Variants in DOK7 observed in about 807,000 individuals in gnomAD.
DOK7 encodes docking protein 7, also known as protein Dok-7.
Under a neutral mutation model 30.7 loss-of-function variants are expected in DOK7, and 32 were observed. The ratio of observed to expected loss-of-function variants is 1.04; its 90% CI spans 0.79 to 1.40. The LOEUF is 1.40. DOK7 is among the 40% of genes most tolerant of loss of function. DOK7 has a pLI of 0.00. For missense variants in DOK7, 1,007 were observed against 699.2 expected, an observed-to-expected ratio of 1.44 and a Z score of -4.97; for synonymous variants, 447 against 324.1, an observed-to-expected ratio of 1.38 and a Z score of -4.07.
intron 3 of DOK7, among the ~76,000 whole-genome samples, chr4:3,474,136 G>A (rs1417071812): frequency 6.6e-6 from 1 of 152,174 alleles, no homozygotes; most frequent in Non-Finnish European, 1.5e-5. Flanking sequence ...GCCCTGCAGG[G>A]GCTTCGAATG....
At position 3,500,208 on chromosome 4, in the gene DOK7, C is replaced by T. The variant is rs1333209627; in HGVS notation, c.1109-43C>T. The T allele has an allele frequency of 9.2e-6, 14 of 1,529,414 alleles. 1 individual carries two copies. The highest frequency in any genetic ancestry group is 1.2e-5 in the Non-Finnish European group (14 of 1,142,704). The allele number at this position is 1,529,414 out of a possible 1,614,324, so 94.7% of individuals were successfully genotyped here. A position where few individuals can be genotyped will look rare whatever the true frequency, so the allele number is the denominator to read the frequency against. On this transcript the variant is annotated intron_variant, in intron 6 of 7. Coordinates refer to the DOK7 transcript ENST00000643608. ...CTGCACAATCTTTGAGATCTGTGCC[C>T]CTCTCGGTCCCCACCGGGGCTTCAC... is the stretch of plus-strand genomic sequence containing the variant.
chr4:3,494,952 G>T (rs995505524), downstream of DOK7, among the ~76,000 whole-genome samples: 1 of 152,094 alleles, frequency 6.6e-6, no homozygotes, highest in African/African-American at 2.4e-5. Context: ...GTGGGTGCCT[G>T]CCTGTCCCTT....
intron 6 of DOK7, among the ~76,000 whole-genome samples, chr4:3,492,428 G>A (rs545617676): frequency 1.3e-5 from 2 of 151,810 alleles, no homozygotes; most frequent in African/African-American, 4.8e-5. Flanking sequence ...GGTATGGAGC[G>A]TGGGGTGTTA....
rs931683866 is a variant in DOK7 at position 3,473,576 on chromosome 4, T to C, written c.271T>C (p.Phe91Leu). 2.4e-5 allele frequency: 38 copies of C among 1,609,412 alleles called. No homozygotes were observed. The highest frequency in any genetic ancestry group is 3.2e-5 in the Non-Finnish European group (38 of 1,178,442). The change falls in exon 3 of 7, where the codon TTT becomes CTT. Residue 91 changes from phenylalanine (F) to leucine (L), a missense_variant. Coordinates refer to ENST00000340083, the MANE Select transcript of DOK7 (RefSeq NM_173660.5). Reference sequence around the variant, plus strand: ...CCTGTCCCAGGCCATCATGCTGGGCTTTGACAGCCACGAGGCCATGTGTGC... The same window carrying C: ...CCTGTCCCAGGCCATCATGCTGGGCCTTGACAGCCACGAGGCCATGTGTGC... ...VCLSQAIMLGFDSHEAMCAWD... is the reference protein window; with the variant it reads ...VCLSQAIMLGLDSHEAMCAWD...
rs923562365 is a variant in DOK7, at chr4:3,493,646, G to A, written c.*145G>A. 38 of 1,462,002 alleles carry A rather than the reference G, an allele frequency of 2.6e-5. No individual in the cohort carries two copies. Among genetic ancestry groups the A allele is most frequent in the African/African-American group, 1.1e-4 (8 of 70,004 alleles). 90.6% of individuals were successfully genotyped at this position (1,462,002 alleles called of 1,614,324 possible). A position where few individuals can be genotyped will look rare whatever the true frequency, so the allele number is the denominator to read the frequency against. On this transcript the variant is annotated 3_prime_UTR_variant, in exon 7 of 7. Transcript: ENST00000340083. ...CTCCCGGAGAGGGGAGCTGGAGGGC[G>A]CGCCCTGTGGCTGCCACCGGAGGAA...
At chr4:3,466,193 C>T (rs936169571) in intron 2 of DOK7, among the ~76,000 whole-genome samples, 4 of 152,214 alleles carry the variant, frequency 2.6e-5, no homozygotes, top group African/African-American at 9.6e-5. Context: ...TCCCCCCAGC[C>T]AGCCCAAACC....
chr4:3,490,178 CG>C lies in DOK7; in HGVS notation c.772+383del, dbSNP rs1560225971. Among the ~76,000 whole-genome samples the C allele has an allele frequency of 1.4e-3, 114 of 83,508 alleles. 1 individual carries two copies. Among genetic ancestry groups the C allele is most frequent in the African/African-American group, 5.4e-3 (99 of 18,274 alleles). 54.8% of individuals were successfully genotyped at this position (83,508 alleles called of 152,430 possible). ...CACCCTGCTCATTCATTTCTTCCTC[CG>C]CCCCCCCCACTCATTCCTTCCCCCC... is the stretch of plus-strand genomic sequence containing the variant. On this transcript the variant is annotated intron_variant, in intron 6 of 6. Coordinates refer to ENST00000340083, the MANE Select transcript of DOK7 (RefSeq NM_173660.5).
chr4:3,490,378 C>A (rs1469161612), intron 6 of DOK7, among the ~76,000 whole-genome samples: 2 of 41,964 alleles, frequency 4.8e-5, no homozygotes, highest in Admixed American at 2.4e-4. Context: ...TTCCTTCCCC[C>A]CACCCCCTGC....
intron 2 of DOK7, 83 bp downstream of exon 2, chr4:3,463,634 C>A: frequency 6.7e-7 from 1 of 1,481,666 alleles, no homozygotes; most frequent in Non-Finnish European, 9.1e-7. Flanking sequence ...CCAGCTTGCC[C>A]AAAATCGCCG....
chr4:3,477,365 C>T (rs772189742), intron 4 of DOK7, among the ~76,000 whole-genome samples: 2 of 152,238 alleles, frequency 1.3e-5, no homozygotes, highest in Non-Finnish European at 2.9e-5. Context: ...TGAGGGACTG[C>T]ACTTGGCTCA....
chr4:3,493,255 G>C lies in DOK7; in HGVS notation c.1269G>C (p.Gln423His). ...LAPRDHSPPS[Q>H]GSPGNSAARD... ...CTAGAGACCACAGCCCCCCCTCACA[G>C]GGCAGCCCCGGCAACAGTGCGGCCA... The change falls in exon 7 of 7, where the codon CAG (glutamine) becomes CAC (histidine). Residue 423 changes from glutamine to histidine, a missense_variant. Physicochemically the swap from Gln to His is conservative, Grantham distance 24. Coordinates refer to ENST00000340083, the MANE Select transcript of DOK7 (RefSeq NM_173660.5). 6.2e-7 allele frequency: 1 copy of C among 1,611,782 alleles called. No homozygotes were observed. The highest frequency in any genetic ancestry group is 8.5e-7 in the Non-Finnish European group (1 of 1,179,588).
intron 4 of DOK7, among the ~76,000 whole-genome samples, chr4:3,485,075 T>TG (rs1194088786): frequency 1.3e-5 from 2 of 152,170 alleles, no homozygotes; most frequent in African/African-American, 4.8e-5. Flanking sequence ...GCTGGGACCT[T>TG]GGGGCAGAGG....
rs148334299 is a variant in DOK7, at chr4:3,489,310, C to T, written c.653-367C>T. On this transcript the variant is annotated intron_variant, in intron 5 of 6. Transcript: ENST00000340083. ...GAGGGGCAGGCAGCCCCTCTTGCAG[C>T]GAGGCCGGCCCTGGGGATGGGGGAG... 5.4e-3 allele frequency among the ~76,000 whole-genome samples: 826 copies of T among 152,086 alleles called. 13 individuals are homozygous for T. The highest frequency in any genetic ancestry group is 0.019 in the African/African-American group (790 of 41,476).
At chr4:3,486,055 CT>C (rs1423367326) in intron 5 of DOK7, among the ~76,000 whole-genome samples, 1 of 152,228 alleles carries the variant, frequency 6.6e-6, no homozygotes, top group African/African-American at 2.4e-5. Flanking sequence ...GGCAGCTGGT[CT>C]GACTCTGCAG....
At chr4:3,486,143 T>G (rs1727774171) in intron 5 of DOK7, among the ~76,000 whole-genome samples, 1 of 152,110 alleles carries the variant, frequency 6.6e-6, no homozygotes, top group Non-Finnish European at 1.5e-5. Context: ...GGCTGTGGGG[T>G]CTCAGGACAC....
In DOK7 at chr4:3,494,125, G is replaced by A; in HGVS notation, c.*624G>A. ...TCCCCAGTGAAGCCCTTGTGGGAAG[G>A]TTCCGGGAGCAGGTGGTGTCCTCAG... On this transcript the variant is annotated 3_prime_UTR_variant, in exon 7 of 7. Transcript: ENST00000340083. 1.0e-6 allele frequency: 1 copy of A among 985,802 alleles called. No homozygotes were observed. The allele number at this position is 985,802 out of a possible 1,614,324, so 61.1% of individuals were successfully genotyped here.
rs1336271146 is a variant in DOK7 at position 3,473,440 on chromosome 4, G to C, written c.135G>C (p.Ser45=). The change falls in exon 3 of 7, where the codon TCG becomes TCC. Residue 45 remains serine, a synonymous_variant. Transcript: ENST00000340083. Reference sequence around the variant, plus strand: ...TGATGCTGGTCTACAAGGACAAGTCGGAGCGTATCAAGGGCCTGCGGGAGC... The same window carrying C: ...TGATGCTGGTCTACAAGGACAAGTCCGAGCGTATCAAGGGCCTGCGGGAGC... ...CLLMLVYKDK[S]ERIKGLRERS... The C allele has an allele frequency of 1.2e-6, 2 of 1,610,946 alleles. No homozygotes were observed. The highest frequency in any genetic ancestry group is 3.3e-5 in the Admixed American group (2 of 60,000).
chr4:3,484,843 G>A (rs1257433828), intron 4 of DOK7: 5 of 985,370 alleles, frequency 5.1e-6, no homozygotes, highest in African/African-American at 3.5e-5. Flanking sequence ...TGTGTGGGCA[G>A]GTGCCGTGCC....
chr4:3,481,091 G>T (rs1000725435), intron 4 of DOK7, among the ~76,000 whole-genome samples: 3 of 147,934 alleles, frequency 2.0e-5, no homozygotes, highest in Non-Finnish European at 4.5e-5. Flanking sequence ...GAGCCCTGTT[G>T]GGGGGGATAG....
Sources: gnomAD v4.1 joint callset for allele counts (sites outside exome capture counted in the v4.1 genomes callset) on GRCh38, gnomAD v4.1.1 for gene constraint, MANE v1.5 for transcripts, NCBI Gene and HGNC (gene_info 2026-07-23, HGNC 2026-07-21) for gene names.